The following DSCC1 variants were observed in gnomAD, a reference collection of about 807,000 sequenced individuals.
DSCC1 encodes the protein DNA replication and sister chromatid cohesion 1.
A neutral mutation model predicts 48.2 loss-of-function variants in DSCC1; 32 were observed. The observed-to-expected ratio is 0.66, with a 90% CI of 0.50 to 0.89. The LOEUF (loss-of-function observed/expected upper bound fraction) is 0.89. Ranked by LOEUF, DSCC1 falls within the 40% of genes least tolerant of loss-of-function variation. The pLI, the probability that DSCC1 is intolerant of heterozygous loss-of-function variation, is 0.00. For synonymous variants in DSCC1, 150 were observed against 171.5 expected (o/e 0.87, Z 0.98); for missense variants, 421 against 471.7 (o/e 0.89, Z 1.00).
In DSCC1 at chr8:119,843,675, T is replaced by G. The variant is rs920633394; in HGVS notation, c.650A>C (p.Glu217Ala). ...AGGAACTTTACCAAAAGACCATGAT[T>G]CAGAATCCACAAGCTGAGTTACATG... The part of the protein sequence containing the change: ...LNHVTQLVDS[E>A]SWSFGKVPLN... The change falls in exon 5 of 9, where the codon GAA (glutamate) becomes GCA (alanine). Residue 217 changes from glutamate (E) to alanine (A), a missense_variant. By Grantham distance (107) the Glu-to-Ala change is moderately radical (BLOSUM62 -1). Transcript: ENST00000313655. The G allele has an allele frequency of 1.2e-6, 2 of 1,614,040 alleles. No individual in the cohort carries two copies. The highest frequency in any genetic ancestry group is 2.7e-5 in the African/African-American group (2 of 74,928).
At chr8:119,855,319 C>A (rs1217855329) in intron 1 of DSCC1, among the ~76,000 whole-genome samples, 1 of 152,160 alleles carries the variant, frequency 6.6e-6, no homozygotes, top group Admixed American at 6.5e-5. Context: ...CCTGTAGAGT[C>A]CCTGTAATCA....
chr8:119,842,284 G>A (rs1826784216), intron 6 of DSCC1, among the ~76,000 whole-genome samples: 1 of 151,854 alleles, frequency 6.6e-6, no homozygotes, highest in South Asian at 2.1e-4. Flanking sequence ...ATGTTGGCCA[G>A]GCTTGTCTCA....
Position 119,847,092 on chromosome 8 carries a change from A to G in DSCC1, c.487-12T>C, listed in dbSNP as rs1213822975. On this transcript the variant is annotated splice_polypyrimidine_tract_variant and intron_variant, in intron 3 of 8. Coordinates refer to ENST00000313655, the MANE Select transcript of DSCC1 (RefSeq NM_024094.3). ...TCTTCAGTTGTATACTGCAAAAAGA[A>G]AAAAATATTTTAAGGCCTTTGAAGA... is the stretch of plus-strand genomic sequence containing the variant. The G allele has an allele frequency of 1.2e-6, 2 of 1,608,292 alleles. No homozygotes were observed. The highest frequency in any genetic ancestry group is 2.2e-5 in the South Asian group (2 of 90,730).
At chr8:119,848,427 A>G (rs1293659512) in intron 3 of DSCC1, among the ~76,000 whole-genome samples, 1 of 152,256 alleles carries the variant, frequency 6.6e-6, no homozygotes. Flanking sequence ...TCAGTAATAA[A>G]AAGATAAATA....
chr8:119,846,629 G>C (rs1826861220), intron 4 of DSCC1, among the ~76,000 whole-genome samples: 1 of 152,266 alleles, frequency 6.6e-6, no homozygotes, highest in East Asian at 1.9e-4. Flanking sequence ...TGCCATCTCA[G>C]CTCTCTGCAA....
chr8:119,851,961 T>C (rs980058440), intron 2 of DSCC1, among the ~76,000 whole-genome samples: 1 of 152,126 alleles, frequency 6.6e-6, no homozygotes, highest in African/African-American at 2.4e-5. Flanking sequence ...TTTTTTACAA[T>C]AGGATGAACT....
In DSCC1 at chr8:119,850,570, A is replaced by T. The variant is rs2131309572; in HGVS notation, c.352-54T>A. On this transcript the variant is annotated intron_variant, in intron 2 of 8. Coordinates refer to ENST00000313655, the MANE Select transcript of DSCC1 (RefSeq NM_024094.3). The stretch of plus-strand genomic sequence containing the variant: ...AGGGGCCATTCTAAAGGAAAATTTC[A>T]TACAAAATTACAACTAATCAATCTG... The T allele has an allele frequency of 2.7e-6, 4 of 1,455,206 alleles. No homozygotes were observed. In the South Asian group the frequency reaches 5.8e-5, roughly 21 times the overall value. 90.1% of individuals were successfully genotyped at this position (1,455,206 alleles called of 1,614,324 possible).
chr8:119,843,853 C>G, intron 4 of DSCC1, 106 bp from the exon 5 acceptor site: 6 of 1,136,814 alleles, frequency 5.3e-6, no homozygotes, highest in Non-Finnish European at 7.4e-6. Flanking sequence ...CTCAGCTCAT[C>G]GCAACCTCCA....
intron 3 of DSCC1, 147 bp from the exon 4 acceptor site, chr8:119,847,227 C>G: frequency 1.5e-6 from 1 of 648,990 alleles, no homozygotes. Context: ...GTAATGATTT[C>G]TACACAAAAT....
intron 2 of DSCC1, among the ~76,000 whole-genome samples, chr8:119,852,536 G>A (rs190579553): frequency 8.7e-4 from 133 of 152,164 alleles, no homozygotes; most frequent in Non-Finnish European, 1.4e-3. Flanking sequence ...TTGCATTTTA[G>A]TAGAGACAGG....
chr8:119,851,401 G>A (rs1826941954), intron 2 of DSCC1, among the ~76,000 whole-genome samples: 1 of 152,078 alleles, frequency 6.6e-6, no homozygotes, highest in Non-Finnish European at 1.5e-5. Flanking sequence ...AGTTAAAAGT[G>A]GTTTGCTGTT....
At chr8:119,851,072 A>ACCACT (rs1826937236) in intron 2 of DSCC1, among the ~76,000 whole-genome samples, 1 of 152,204 alleles carries the variant, frequency 6.6e-6, no homozygotes, top group African/African-American at 2.4e-5. Context: ...TGAGAGGCCT[A>ACCACT]CCACTCAAAA....
At chr8:119,842,853 GA>G in intron 5 of DSCC1, 25 bp from the exon 6 acceptor site, 1 of 1,584,498 alleles carries the variant, frequency 6.3e-7, no homozygotes, top group Non-Finnish European at 8.6e-7. Flanking sequence ...ACACCCACTT[GA>G]AAAGTTATAA....
Position 119,838,399 on chromosome 8 carries a change from C to G in DSCC1, c.933G>C (p.Ala311=). The part of the protein sequence containing the change: ...VTSLDQLKGL[A]LVDRHSRPEI... ...CTGGTCTCGAGTGTCTATCCACCAG[C>G]GCTAAACCCTACAAGAAATGAGAAG... Residue 311 remains alanine (A), a synonymous_variant, in exon 8 of 9, where the codon GCG becomes GCC. Coordinates refer to ENST00000313655, the MANE Select transcript of DSCC1 (RefSeq NM_024094.3). The G allele has an allele frequency of 1.9e-6, 3 of 1,582,490 alleles. No individual in the cohort carries two copies. Among genetic ancestry groups the G allele is most frequent in the South Asian group, 2.4e-5 (2 of 83,782 alleles).
rs775624988 is a variant in DSCC1 at position 119,843,720 on chromosome 8, T to C, written c.605A>G (p.Tyr202Cys). ...GGYWRILEFD[Y>C]EMKLLNHVTQ... Reference sequence around the variant, plus strand: ...TACATGATTCAGAAGTTTCATCTCATAATCAAATTCAAGAATCCTCCAATA... The same window carrying C: ...TACATGATTCAGAAGTTTCATCTCACAATCAAATTCAAGAATCCTCCAATA... The change falls in exon 5 of 9, where the codon TAT becomes TGT. Residue 202 changes from tyrosine (Y) to cysteine (C), a missense_variant. This residue lies in a region of DSCC1 where 238 missense variants were observed against 259.0 expected (regional missense o/e 0.92). Transcript: ENST00000313655. The C allele has an allele frequency of 1.2e-6, 2 of 1,610,814 alleles. No homozygotes were observed. The highest frequency in any genetic ancestry group is 1.7e-6 in the Non-Finnish European group (2 of 1,179,272).
intron 7 of DSCC1, 39 bp downstream of exon 7, chr8:119,841,755 C>A: frequency 6.3e-7 from 1 of 1,594,408 alleles, no homozygotes; most frequent in South Asian, 1.1e-5. Context: ...AGTAATTAAT[C>A]AACTGTTGAA....
chr8:119,841,028 G>C (rs1187660193), intron 7 of DSCC1, among the ~76,000 whole-genome samples: 1 of 151,600 alleles, frequency 6.6e-6, no homozygotes, highest in Non-Finnish European at 1.5e-5. Context: ...GTCTTGCTCT[G>C]TCGCCCAGGC....
Position 119,853,069 on chromosome 8 carries a change from T to C in DSCC1, c.329A>G (p.His110Arg). The C allele has an allele frequency of 1.2e-6, 2 of 1,613,616 alleles. No individual in the cohort carries two copies. The highest frequency in any genetic ancestry group is 1.7e-6 in the Non-Finnish European group (2 of 1,179,696). The change falls in exon 2 of 9, where the codon CAC (histidine) becomes CGC (arginine). Residue 110 changes from histidine to arginine, a missense_variant. Physicochemically the swap from His to Arg is conservative, Grantham distance 29. Transcript: ENST00000313655. ...CACCTCAGTGTGAATAATGTTACAG[T>C]GTGAATCTTCCTTCTTCAACTGGTC... is the stretch of plus-strand genomic sequence containing the variant. ...TPDQLKKEDS[H>R]CNIIHTEIFG...
At chr8:119,839,139 C>G (rs1413215874) in intron 7 of DSCC1, 1 of 152,210 alleles carries the variant, frequency 6.6e-6, no homozygotes, top group Non-Finnish European at 1.5e-5. Context: ...TGTTGTAGCT[C>G]CCTGAGGCTT....
Sources: gnomAD v4.1 joint callset for allele counts (sites outside exome capture counted in the v4.1 genomes callset) on GRCh38, gnomAD v4.1.1 for gene constraint, gnomAD v4.1.1 regional missense constraint, MANE v1.5 for transcripts, NCBI Gene and HGNC (gene_info 2026-07-23, HGNC 2026-07-21) for gene names.